The following SYTL3 variants were observed in gnomAD, a reference collection of about 807,000 sequenced individuals.
SYTL3 encodes synaptotagmin-like protein 3.
Under a neutral mutation model 82.1 loss-of-function variants are expected in SYTL3, and 88 were observed. The observed-to-expected ratio is 1.07, with a 90% confidence interval of 0.90 to 1.28. SYTL3 has a LOEUF of 1.28. Ranked by LOEUF, SYTL3 falls within the 50% of genes most tolerant of loss-of-function variation. SYTL3 has a pLI of 0.00. For missense variants in SYTL3, 831 were observed against 757.6 expected (o/e 1.10, Z -1.14); for synonymous variants, 311 against 289.4 (o/e 1.07, Z -0.76).
At chr6:158,738,304 T>C (rs1786476443) in intron 11 of SYTL3, among the ~76,000 whole-genome samples, 1 of 152,142 alleles carries the variant, frequency 6.6e-6, no homozygotes, top group Admixed American at 6.5e-5. Context: ...TCAAACCTGC[T>C]CTTCCTCCTC....
intron 6 of SYTL3, among the ~76,000 whole-genome samples, chr6:158,698,076 A>C (rs1191961167): frequency 6.6e-6 from 1 of 152,112 alleles, no homozygotes; most frequent in Non-Finnish European, 1.5e-5. Flanking sequence ...TCTTAGCTCA[A>C]ATTTTCCTAA....
At chr6:158,693,855 CTTTTTT>C (rs575358067) in intron 6 of SYTL3, among the ~76,000 whole-genome samples, 1 of 96,866 alleles carries the variant, frequency 1.0e-5, no homozygotes, top group African/African-American at 5.4e-5. Flanking sequence ...TTTTTCTTTT[CTTTTTT>C]TTTTTTTTTT....
chr6:158,700,126 C>T (rs956848139), intron 6 of SYTL3, among the ~76,000 whole-genome samples: 3 of 151,678 alleles, frequency 2.0e-5, no homozygotes, highest in African/African-American at 4.8e-5. Context: ...CGTGGTGGTG[C>T]GTGCCTGTAA....
intron 11 of SYTL3, among the ~76,000 whole-genome samples, chr6:158,742,876 T>A (rs1309749297): frequency 6.6e-6 from 1 of 152,108 alleles, no homozygotes; most frequent in Admixed American, 6.6e-5. Flanking sequence ...TGTGAGCCAC[T>A]GCGTCCAGCC....
intron 6 of SYTL3, among the ~76,000 whole-genome samples, chr6:158,693,697 T>TTTCC (rs1780171722): frequency 1.5e-5 from 2 of 130,494 alleles, no homozygotes; most frequent in African/African-American, 8.6e-5. Context: ...TTTCTTTTCG[T>TTTCC]TTTCTTTCTT....
chr6:158,731,069 G>A (rs1167993727), intron 11 of SYTL3, among the ~76,000 whole-genome samples: 1 of 152,130 alleles, frequency 6.6e-6, no homozygotes, highest in Non-Finnish European at 1.5e-5. Flanking sequence ...TGGATCACGA[G>A]GTCAGGAGAT....
intron 5 of SYTL3, among the ~76,000 whole-genome samples, chr6:158,678,815 T>C (rs1778343747): frequency 6.6e-6 from 1 of 152,182 alleles, no homozygotes; most frequent in Admixed American, 6.6e-5. Context: ...GATATATTTA[T>C]GGGCTAATTG....
chr6:158,651,931 T>A (rs1468058569), intron 2 of SYTL3, 89 bp downstream of exon 2: 4 of 151,800 alleles, frequency 2.6e-5, no homozygotes, highest in Non-Finnish European at 5.9e-5. Flanking sequence ...TATTTTTATT[T>A]TTTTTTATTT....
At position 158,713,781 on chromosome 6, in the gene SYTL3, CCTT is replaced by C; in HGVS notation, c.517-16_517-14del. 2.0e-6 allele frequency: 3 copies of C among 1,516,330 alleles called. No individual in the cohort carries two copies. The highest frequency in any genetic ancestry group is 1.2e-5 in the South Asian group (1 of 83,344). The allele number at this position is 1,516,330 out of a possible 1,614,324, so 93.9% of individuals were successfully genotyped here. On this transcript the variant is annotated splice_polypyrimidine_tract_variant and intron_variant, in intron 8 of 17. Transcript: ENST00000611299. ...TCATCAAGCATAATTCTCATTCTCT[CCTT>C]CTGTCTCTGTTTTAGTTACAGGAAT...
intron 6 of SYTL3, among the ~76,000 whole-genome samples, chr6:158,684,229 G>T (rs938407537): frequency 1.3e-5 from 2 of 152,210 alleles, no homozygotes; most frequent in African/African-American, 4.8e-5. Context: ...TCTAGAGTCC[G>T]TAGAGCAAGT....
intron 15 of SYTL3, 59 bp downstream of exon 15, chr6:158,760,804 T>A: frequency 7.1e-7 from 1 of 1,399,804 alleles, no homozygotes; most frequent in Non-Finnish European, 1.0e-6. Context: ...AGCCTGGTGC[T>A]GCAGGCAGAC....
chr6:158,675,174 C>T (rs970827605), intron 5 of SYTL3, among the ~76,000 whole-genome samples: 3 of 152,128 alleles, frequency 2.0e-5, no homozygotes, highest in African/African-American at 4.8e-5. Flanking sequence ...TGCCCCCCTG[C>T]GGAGGGGAGG....
At chr6:158,712,574 G>A (rs978129135) in intron 8 of SYTL3, among the ~76,000 whole-genome samples, 1 of 152,120 alleles carries the variant, frequency 6.6e-6, no homozygotes, top group Non-Finnish European at 1.5e-5. Context: ...GGGGATTTTA[G>A]ATGTTAGGGA....
intron 11 of SYTL3, among the ~76,000 whole-genome samples, chr6:158,736,902 GGGA>G (rs2128498601): frequency 6.6e-6 from 1 of 152,074 alleles, no homozygotes; most frequent in South Asian, 2.1e-4. Flanking sequence ...GATTTGATAA[GGGA>G]GGAGGAGTTC....
chr6:158,729,629 C>T (rs898290791), intron 11 of SYTL3, among the ~76,000 whole-genome samples: 21 of 143,198 alleles, frequency 1.5e-4, no homozygotes, highest in South Asian at 2.2e-4. Flanking sequence ...TTTAGTGGTG[C>T]GATCTCAGCT....
At chr6:158,685,910 C>T (rs949982169) in intron 6 of SYTL3, among the ~76,000 whole-genome samples, 2 of 152,208 alleles carry the variant, frequency 1.3e-5, no homozygotes, top group South Asian at 2.1e-4. Flanking sequence ...CACATCAATT[C>T]CTAGCTTATA....
intron 3 of SYTL3, among the ~76,000 whole-genome samples, chr6:158,661,652 A>G (rs1025997664): frequency 2.0e-5 from 3 of 152,262 alleles, no homozygotes; most frequent in African/African-American, 7.2e-5. Flanking sequence ...TGGAGAAAAA[A>G]TTAAATCTTT....
chr6:158,657,229 C>T (rs777549267), intron 2 of SYTL3, among the ~76,000 whole-genome samples: 3 of 151,928 alleles, frequency 2.0e-5, no homozygotes, highest in Non-Finnish European at 4.4e-5. Flanking sequence ...AGTTCAAGAC[C>T]AGTCTGGCCA....
intron 6 of SYTL3, among the ~76,000 whole-genome samples, chr6:158,706,028 G>C (rs1782052693): frequency 6.6e-6 from 1 of 152,138 alleles, no homozygotes; most frequent in African/African-American, 2.4e-5. Context: ...TTTGGTCCCT[G>C]ACCAGCTGGT....
Sources: gnomAD v4.1 joint callset for allele counts (sites outside exome capture counted in the v4.1 genomes callset) on GRCh38, gnomAD v4.1.1 for gene constraint, MANE v1.5 for transcripts, NCBI Gene and HGNC (gene_info 2026-07-23, HGNC 2026-07-21) for gene names.